Variants in MAPK10 observed in about 807,000 individuals in gnomAD.
MAPK10 encodes JNK3 alpha protein kinase.
A neutral mutation model predicts 59.3 loss-of-function variants in MAPK10; 25 were observed. That is an observed-to-expected ratio of 0.42 (90% CI 0.31 to 0.59). The LOEUF (loss-of-function observed/expected upper bound fraction) is 0.59. Among genes scored for constraint, MAPK10 ranks in the 20% least tolerant of loss-of-function variants. The pLI, the probability that MAPK10 is intolerant of heterozygous loss-of-function variation, is 0.15. For missense variants in MAPK10, 351 were observed against 568.9 expected, an observed-to-expected ratio of 0.62 and a Z score of 3.90; for synonymous variants, 190 against 200.5, an observed-to-expected ratio of 0.95 and a Z score of 0.44.
chr4:86,230,579 ATACT>A (rs1002888279), intron 2 of MAPK10, among the ~76,000 whole-genome samples: 2 of 152,234 alleles, frequency 1.3e-5, no homozygotes, highest in African/African-American at 2.4e-5. Flanking sequence ...CATCAGCCTA[ATACT>A]TAAGTAAATA....
chr4:86,456,596 G>A (rs1218941599), upstream of MAPK10, among the ~76,000 whole-genome samples: 2 of 151,946 alleles, frequency 1.3e-5, no homozygotes, highest in African/African-American at 4.8e-5. Flanking sequence ...AACCCACCTA[G>A]TTTAAATCAG....
At chr4:86,411,690 A>C (rs1385558798) in intron 1 of MAPK10, among the ~76,000 whole-genome samples, 1 of 152,064 alleles carries the variant, frequency 6.6e-6, no homozygotes, top group Non-Finnish European at 1.5e-5. Context: ...TGTTGGTTTA[A>C]AGTCTGTTTT....
At chr4:86,340,846 T>C (rs1564538745) in intron 2 of MAPK10, among the ~76,000 whole-genome samples, 1 of 152,198 alleles carries the variant, frequency 6.6e-6, no homozygotes, top group Non-Finnish European at 1.5e-5. Context: ...AAGAACTGAT[T>C]AAATGCTAAT....
At chr4:86,322,425 G>A (rs2095916910) in intron 2 of MAPK10, among the ~76,000 whole-genome samples, 2 of 152,160 alleles carry the variant, frequency 1.3e-5, no homozygotes, top group Admixed American at 1.3e-4. Flanking sequence ...GTGCAGTTAC[G>A]AACGTCTAAC....
intron 11 of MAPK10, among the ~76,000 whole-genome samples, chr4:86,047,996 G>C (rs1478187551): frequency 6.6e-6 from 1 of 152,056 alleles, no homozygotes; most frequent in Non-Finnish European, 1.5e-5. Context: ...AGTGATCTGA[G>C]TCAAGGTATA....
At chr4:86,440,542 ATTGT>A (rs1337999923) in intron 1 of MAPK10, among the ~76,000 whole-genome samples, 1 of 151,356 alleles carries the variant, frequency 6.6e-6, no homozygotes, top group Admixed American at 6.6e-5. Flanking sequence ...GAGGTGGGAG[ATTGT>A]TTGAGCCCAG....
At chr4:86,228,354 G>T (rs762058805) in intron 2 of MAPK10, among the ~76,000 whole-genome samples, 1 of 152,150 alleles carries the variant, frequency 6.6e-6, no homozygotes, top group African/African-American at 2.4e-5. Context: ...CAGGATCAAG[G>T]CCCGAGATGC....
chr4:86,035,786 T>C (rs2040170190), intron 11 of MAPK10, among the ~76,000 whole-genome samples: 1 of 151,852 alleles, frequency 6.6e-6, no homozygotes, highest in Non-Finnish European at 1.5e-5. Context: ...GGAAATGAGA[T>C]TGGTAGAGGT....
At chr4:86,457,637 C>T (rs139383995), upstream of MAPK10, among the ~76,000 whole-genome samples, 1,409 of 152,192 alleles carry the variant, frequency 9.3e-3, 7 homozygotes, top group Non-Finnish European at 0.014. Flanking sequence ...AACTACAAAA[C>T]GTTGCCGAAA....
intron 2 of MAPK10, among the ~76,000 whole-genome samples, chr4:86,206,232 T>G (rs1232404153): frequency 6.6e-6 from 1 of 151,668 alleles, no homozygotes; most frequent in Non-Finnish European, 1.5e-5. Flanking sequence ...AGTGTGATGT[T>G]CCCCTTCCTG....
chr4:86,101,880 G>C lies in MAPK10; in HGVS notation c.564+14C>G, dbSNP rs2055477064. 6 of 1,613,488 alleles carry C rather than the reference G, an allele frequency of 3.7e-6. No individual in the cohort carries two copies. The highest frequency in any genetic ancestry group is 5.1e-6 in the Non-Finnish European group (6 of 1,179,566). On this transcript the variant is annotated intron_variant, in intron 7 of 13. Transcript: ENST00000641462. The stretch of plus-strand genomic sequence containing the variant: ...AAAGCATTTGAATTGTAATCCTAGA[G>C]AAGGTGTTCTTACCCTGTGAATAAT...
At chr4:86,479,673 C>G (rs570617275) in intron 1 of MAPK10, among the ~76,000 whole-genome samples, 1 of 152,238 alleles carries the variant, frequency 6.6e-6, no homozygotes, top group African/African-American at 2.4e-5. Context: ...AATAAATCAT[C>G]TTTGCCGGCA....
At chr4:86,543,380 T>A (rs1413505169) in intron 1 of MAPK10, among the ~76,000 whole-genome samples, 1 of 152,212 alleles carries the variant, frequency 6.6e-6, no homozygotes, top group Non-Finnish European at 1.5e-5. Flanking sequence ...CTGTAGTATA[T>A]GATGTCTAAA....
At chr4:86,032,792 T>C (rs3775172) in intron 11 of MAPK10, among the ~76,000 whole-genome samples, 4,953 of 152,280 alleles carry the variant, frequency 0.033, 231 homozygotes, top group East Asian at 0.1. Flanking sequence ...AGACTTTGCC[T>C]GGCTGTGGTG....
intron 2 of MAPK10, among the ~76,000 whole-genome samples, chr4:86,280,741 A>C (rs946713679): frequency 1.3e-5 from 2 of 152,110 alleles, no homozygotes; most frequent in African/African-American, 4.8e-5. Context: ...GCACATATAC[A>C]CCATGGAATA....
At chr4:86,036,544 C>T (rs2040343134) in intron 11 of MAPK10, among the ~76,000 whole-genome samples, 1 of 151,632 alleles carries the variant, frequency 6.6e-6, no homozygotes, top group African/African-American at 2.4e-5. Context: ...AGTCAGGAAA[C>T]TAAGATTCAA....
At chr4:86,370,349 C>T (rs1014775539) in intron 1 of MAPK10, among the ~76,000 whole-genome samples, 1 of 151,910 alleles carries the variant, frequency 6.6e-6, no homozygotes, top group African/African-American at 2.4e-5. Context: ...TATTCAGAGA[C>T]ATAGTCTTTC....
intron 1 of MAPK10, among the ~76,000 whole-genome samples, chr4:86,587,448 T>TCACTTGGAAGTG (rs1301601911): frequency 6.6e-6 from 1 of 152,232 alleles, no homozygotes; most frequent in African/African-American, 2.4e-5. Context: ...AATTCTTGGT[T>TCACTTGGAAGTG]CACTTGGAAG....
chr4:86,271,138 AG>A (rs1008211337), intron 2 of MAPK10, among the ~76,000 whole-genome samples: 12 of 152,130 alleles, frequency 7.9e-5, no homozygotes, highest in Admixed American at 5.2e-4. Context: ...TCCTCTTGGC[AG>A]TATTTGAGAG....
Sources: allele counts gnomAD v4.1 joint callset (sites outside exome capture counted in the v4.1 genomes callset), GRCh38; gene constraint gnomAD v4.1.1; transcripts MANE v1.5; gene names NCBI Gene and HGNC (gene_info 2026-07-23, HGNC 2026-07-21).